The following ITGB8 variants were observed in gnomAD, a reference collection of about 807,000 sequenced individuals.
The protein encoded by ITGB8 is integrin subunit beta 8, also known as integrin beta-8.
In ITGB8, 30 loss-of-function variants were observed where a neutral mutation model predicts 89.5. The ratio of observed to expected loss-of-function variants is 0.34; its 90% CI spans 0.25 to 0.45. The LOEUF (loss-of-function observed/expected upper bound fraction) is 0.45. Among genes scored for constraint, ITGB8 ranks in the 20% least tolerant of loss-of-function variants. The probability of loss-of-function intolerance (pLI) is 1.00; values close to 1 mark genes in which losing one functional copy is unlikely to be tolerated. For missense variants in ITGB8, 836 were observed against 933.3 expected, an observed-to-expected ratio of 0.90 and a Z score of 1.36; for synonymous variants, 335 against 320.4, an observed-to-expected ratio of 1.05 and a Z score of -0.49.
At chr7:20,396,961 TTC>T (rs913093673) in intron 8 of ITGB8, among the ~76,000 whole-genome samples, 30 of 152,320 alleles carry the variant, frequency 2.0e-4, no homozygotes, top group Admixed American at 2.0e-3. Flanking sequence ...TAAGTTGGAA[TTC>T]TGTTATTATT....
In ITGB8 at chr7:20,406,149, G is replaced by T. The variant is rs1303463754; in HGVS notation, c.2001G>T (p.Gln667His). ...CKTSCALMEQQHYVDQTSECF... is the reference protein window; with the variant it reads ...CKTSCALMEQHHYVDQTSECF... ...CCTCATGTGCTCTCATGGAACAACA[G>T]CATTATGTCGACCAAACTTCAGGTA... The change falls in exon 12 of 14, where the codon CAG becomes CAT. Residue 667 changes from glutamine to histidine, a missense_variant. Coordinates refer to ENST00000222573, the MANE Select transcript of ITGB8 (RefSeq NM_002214.3). 6.2e-7 allele frequency: 1 copy of T among 1,609,042 alleles called. No individual in the cohort carries two copies. Among genetic ancestry groups the T allele is most frequent in the South Asian group, 1.1e-5 (1 of 90,936 alleles).
Position 20,404,835 on chromosome 7 carries a change from C to G in ITGB8, c.1895C>G (p.Thr632Arg). ...TGTGAACACTGCCCCACCTGTTATA[C>G]AGCCTGCAAGGAAAACTGGTATGAT... ...RFCEHCPTCY[T>R]ACKENWNCMQ... Residue 632 changes from threonine to arginine, a missense_variant, in exon 11 of 14, where the codon ACA becomes AGA. By Grantham distance (71) the Thr-to-Arg change is moderately conservative (BLOSUM62 -1). Transcript: ENST00000222573. 1.2e-6 allele frequency: 2 copies of G among 1,614,134 alleles called. No homozygotes were observed. The highest frequency in any genetic ancestry group is 1.7e-6 in the Non-Finnish European group (2 of 1,179,948).
At chr7:20,361,354 AAACAAAATATCTGT>A (rs1249066697) in intron 1 of ITGB8, among the ~76,000 whole-genome samples, 1 of 152,208 alleles carries the variant, frequency 6.6e-6, no homozygotes, top group African/African-American at 2.4e-5. Context: ...TGTACTGCTA[AAACAAAATATCTGT>A]GACTGGGTAA....
In ITGB8 at chr7:20,413,106, T is replaced by C. The variant is rs933835539; in HGVS notation, c.*3109T>C. 2 of 152,138 alleles carry C rather than the reference T, an allele frequency of 1.3e-5. No homozygotes were observed. Among genetic ancestry groups the C allele is most frequent in the Non-Finnish European group, 2.9e-5 (2 of 67,986 alleles). 9.4% of individuals were successfully genotyped at this position (152,138 alleles called of 1,614,324 possible). A position where few individuals can be genotyped will look rare whatever the true frequency, so the allele number is the denominator to read the frequency against. On this transcript the variant is annotated 3_prime_UTR_variant, in exon 14 of 14. Coordinates refer to ENST00000222573, the MANE Select transcript of ITGB8 (RefSeq NM_002214.3). ...ACACCATTGCACTGCAGTGCACACG[T>C]ATTTATAAACATTTGTTATATTTTT...
chr7:20,403,091 C>G (rs993584845), intron 10 of ITGB8, among the ~76,000 whole-genome samples: 1 of 152,184 alleles, frequency 6.6e-6, no homozygotes, highest in Non-Finnish European at 1.5e-5. Flanking sequence ...AATGTAGTCT[C>G]AGCTGAAAAT....
intron 1 of ITGB8, among the ~76,000 whole-genome samples, chr7:20,339,180 G>C (rs1467641015): frequency 1.7e-5 from 2 of 115,902 alleles, no homozygotes; most frequent in African/African-American, 7.0e-5. Flanking sequence ...GACAGAGCGA[G>C]ACTCCATCTC....
At chr7:20,341,997 G>A (rs557932863) in intron 1 of ITGB8, among the ~76,000 whole-genome samples, 1 of 152,104 alleles carries the variant, frequency 6.6e-6, no homozygotes, top group African/African-American at 2.4e-5. Context: ...CTTCTCACAG[G>A]GCAAACTTCT....
In ITGB8 at chr7:20,413,408, G is replaced by A. The variant is rs1026431305; in HGVS notation, c.*3411G>A. The A allele has an allele frequency of 6.6e-6, 1 of 152,426 alleles. No individual in the cohort carries two copies. Among genetic ancestry groups the A allele is most frequent in the Non-Finnish European group, 1.5e-5 (1 of 67,942 alleles). 9.4% of individuals were successfully genotyped at this position (152,426 alleles called of 1,614,324 possible). A position where few individuals can be genotyped will look rare whatever the true frequency, so the allele number is the denominator to read the frequency against. ...CTGAAGATATCTTTATGCAAGACAAGAGTCAGCCATCAGACACTGAAATAT... is the reference window on the plus strand; with the variant it reads ...CTGAAGATATCTTTATGCAAGACAAAAGTCAGCCATCAGACACTGAAATAT... On this transcript the variant is annotated 3_prime_UTR_variant, in exon 14 of 14. Transcript: ENST00000222573.
chr7:20,337,902 T>TG (rs1251346313), intron 1 of ITGB8, among the ~76,000 whole-genome samples: 1 of 152,186 alleles, frequency 6.6e-6, no homozygotes, highest in Non-Finnish European at 1.5e-5. Context: ...GCCTGCCTTC[T>TG]GGGGGTAAAC....
At chr7:20,399,566 C>A (rs1388004946) in intron 9 of ITGB8, among the ~76,000 whole-genome samples, 36 of 145,318 alleles carry the variant, frequency 2.5e-4, no homozygotes, top group Admixed American at 2.7e-4. Context: ...CATCATTTAC[C>A]AAAAAAAAAA....
chr7:20,399,606 T>C (rs1266292597), intron 9 of ITGB8, among the ~76,000 whole-genome samples: 2 of 149,152 alleles, frequency 1.3e-5, no homozygotes, highest in Non-Finnish European at 3.0e-5. Flanking sequence ...GAGATCCAGA[T>C]TGTAACAGTA....
chr7:20,346,157 T>C (rs1213051158), intron 1 of ITGB8, among the ~76,000 whole-genome samples: 4 of 152,150 alleles, frequency 2.6e-5, no homozygotes, highest in East Asian at 3.9e-4. Flanking sequence ...AAGACACTTA[T>C]ACATCTCCAA....
rs1189262023 is a variant in ITGB8, at chr7:20,404,649, G to C, written c.1709G>C (p.Gly570Ala). 6.2e-7 allele frequency: 1 copy of C among 1,613,814 alleles called. No individual in the cohort carries two copies. ...ACAGGGCATGGAGAGTGTGAAGCAG[G>C]CAGATGCCAATGCTTCAGTGGCTGG... The part of the protein sequence containing the change: ...LCAGHGECEA[G>A]RCQCFSGWEG... Residue 570 changes from glycine to alanine, a missense_variant, in exon 11 of 14, where the codon GGC becomes GCC. This residue lies in a region of ITGB8 where 422 missense variants were observed against 416.9 expected (regional missense o/e 1.01). Coordinates refer to ENST00000222573, the MANE Select transcript of ITGB8 (RefSeq NM_002214.3).
chr7:20,381,908 G>A (rs544545854), intron 6 of ITGB8, 23 bp downstream of exon 6: 1 of 1,587,004 alleles, frequency 6.3e-7, no homozygotes, highest in African/African-American at 1.4e-5. Context: ...TAACCGCTTA[G>A]TAGATATGAC....
intron 12 of ITGB8, among the ~76,000 whole-genome samples, chr7:20,406,813 A>T (rs75728646): frequency 0.019 from 2,826 of 152,312 alleles, 47 homozygotes; most frequent in Non-Finnish European, 0.027. Flanking sequence ...GTCTTAGATC[A>T]AGATCTTCAA....
At chr7:20,406,790 T>C (rs1311392215) in intron 12 of ITGB8, among the ~76,000 whole-genome samples, 1 of 152,174 alleles carries the variant, frequency 6.6e-6, no homozygotes, top group African/African-American at 2.4e-5. Context: ...TAACTAGTAA[T>C]GTTAAGATAC....
chr7:20,349,354 G>A (rs1262008936), intron 1 of ITGB8, among the ~76,000 whole-genome samples: 2 of 150,988 alleles, frequency 1.3e-5, no homozygotes, highest in Admixed American at 6.6e-5. Context: ...AAGTAATTGC[G>A]GTTTTTGACA....
At chr7:20,381,998 G>C in intron 6 of ITGB8, 113 bp downstream of exon 6, 1 of 855,272 alleles carries the variant, frequency 1.2e-6, no homozygotes, top group Non-Finnish European at 1.8e-6. Flanking sequence ...GAAAGATACA[G>C]AACAAGGATA....
intron 1 of ITGB8, among the ~76,000 whole-genome samples, chr7:20,337,118 G>T (rs894412600): frequency 6.6e-6 from 1 of 152,040 alleles, no homozygotes; most frequent in Non-Finnish European, 1.5e-5. Flanking sequence ...AGTCTGTCTT[G>T]TTTTCAAACT....
Sources: gnomAD v4.1 joint callset for allele counts (sites outside exome capture counted in the v4.1 genomes callset) on GRCh38, gnomAD v4.1.1 for gene constraint, gnomAD v4.1.1 regional missense constraint, MANE v1.5 for transcripts, NCBI Gene and HGNC (gene_info 2026-07-23, HGNC 2026-07-21) for gene names.